The following DHX33 variants were observed in gnomAD, a reference collection of about 807,000 sequenced individuals.
DHX33 encodes ATP-dependent RNA helicase DHX33.
Under a neutral mutation model 72.5 loss-of-function variants are expected in DHX33, and 42 were observed. That is an observed-to-expected ratio of 0.58 (90% CI 0.45 to 0.75). The LOEUF is 0.75. DHX33 is among the 30% of genes least tolerant of loss of function. The pLI is 0.00. For synonymous variants in DHX33, 358 were observed against 366.1 expected (o/e 0.98, Z 0.25); for missense variants, 842 against 917.5 (o/e 0.92, Z 1.06).
At chr17:5,447,836 G>C (rs1916719503) in intron 11 of DHX33, among the ~76,000 whole-genome samples, 1 of 152,102 alleles carries the variant, frequency 6.6e-6, no homozygotes, top group Admixed American at 6.6e-5. Context: ...AAATGAATGA[G>C]CTAGACACAT....
intron 6 of DHX33, 45 bp downstream of exon 6, chr17:5,455,115 G>A: frequency 6.6e-7 from 1 of 1,504,572 alleles, no homozygotes; most frequent in Non-Finnish European, 9.2e-7. Flanking sequence ...TTCAGTGGCT[G>A]CTCACTAGAC....
intron 4 of DHX33, among the ~76,000 whole-genome samples, chr17:5,458,355 T>C (rs1567601680): frequency 6.6e-6 from 1 of 152,140 alleles, no homozygotes; most frequent in East Asian, 1.9e-4. Context: ...CCAGAAAGCT[T>C]GCACAACTGT....
intron 8 of DHX33, among the ~76,000 whole-genome samples, chr17:5,451,867 G>A (rs1385718034): frequency 6.6e-6 from 1 of 152,152 alleles, no homozygotes; most frequent in East Asian, 1.9e-4. Flanking sequence ...GAATGGAATA[G>A]CACTTAGTGT....
Position 5,468,663 on chromosome 17 carries a change from G to C in DHX33, c.197C>G (p.Ala66Gly), listed in dbSNP as rs757729286. The change falls in exon 1 of 12, where the codon GCT (alanine) becomes GGT (glycine). Residue 66 changes from alanine (A) to glycine (G), a missense_variant. Transcript: ENST00000225296. ...CAGACTCCGGCGCTGCAGCTCCACA[G>C]CTTCAGGGTAGGGACTGGCCGAGGG... ...AQPSASPYPE[A>G]VELQRRSLPI... 3 of 1,612,678 alleles carry C rather than the reference G, an allele frequency of 1.9e-6. No homozygotes were observed. The East Asian group carries it at 6.7e-5, about 36-fold the overall frequency.
At position 5,450,259 on chromosome 17, in the gene DHX33, C is replaced by A. The variant is rs1168089098; in HGVS notation, c.1672G>T (p.Asp558Tyr). ...VRKKFISSEG[D>Y]HMTLLNIYRT... is the part of the protein sequence containing the mutation. The stretch of plus-strand genomic sequence containing the variant: ...TAGATATTGAGCAGGGTCATGTGAT[C>A]CCCCTCGCTGGATATGAACTTCTTG... Residue 558 changes from aspartate (D) to tyrosine (Y), a missense_variant, in exon 10 of 12, where the codon GAT (aspartate) becomes TAT (tyrosine). Transcript: ENST00000225296. The A allele has an allele frequency of 1.2e-6, 2 of 1,614,174 alleles. No homozygotes were observed. The highest frequency in any genetic ancestry group is 4.5e-5 in the East Asian group (2 of 44,878).
Position 5,444,257 on chromosome 17 carries a change from T to C in DHX33, c.2072A>G (p.Tyr691Cys), listed in dbSNP as rs1273895859. ...CCTAAAGTACTCAGGGGCAGCCTCGTACAGCCACTGTGCATCTATGACGCA... is the reference window on the plus strand; with the variant it reads ...CCTAAAGTACTCAGGGGCAGCCTCGCACAGCCACTGTGCATCTATGACGCA... ...DLCVIDAQWL[Y>C]EAAPEYFRRK... The change falls in exon 12 of 12, where the codon TAC (tyrosine) becomes TGC (cysteine). Residue 691 changes from tyrosine to cysteine, a missense_variant. By Grantham distance (194) the Tyr-to-Cys change is radical. Transcript: ENST00000225296. This position sits in a 1 kb window ranked among gnomAD's most constrained non-coding sequence, Gnocchi z 4.9. 2 of 1,614,128 alleles carry C rather than the reference T, an allele frequency of 1.2e-6. No individual in the cohort carries two copies. The highest frequency in any genetic ancestry group is 4.5e-5 in the East Asian group (2 of 44,900).
Position 5,442,211 on chromosome 17 carries a change from G to A in DHX33, c.*1994C>T, listed in dbSNP as rs1916461010. 1 of 150,858 alleles carries A rather than the reference G, an allele frequency of 6.6e-6. No individual in the cohort carries two copies. Among genetic ancestry groups the A allele is most frequent in the African/African-American group, 2.4e-5 (1 of 40,984 alleles). The allele number at this position is 150,858 out of a possible 1,614,324, so 9.3% of individuals were successfully genotyped here. On this transcript the variant is annotated 3_prime_UTR_variant, in exon 12 of 12. Transcript: ENST00000225296. ...CCCGCCTTGGCCTCCCAAAGTGCTGGGATTACAGGTGTGAGCCACTGCGCC... is the reference window on the plus strand; with the variant it reads ...CCCGCCTTGGCCTCCCAAAGTGCTGAGATTACAGGTGTGAGCCACTGCGCC...
intron 8 of DHX33, among the ~76,000 whole-genome samples, chr17:5,451,320 G>A (rs140086794): frequency 0.068 from 10,356 of 152,164 alleles, 385 homozygotes; most frequent in Middle Eastern, 0.095. Context: ...AGCCAGGCTG[G>A]TCTCAAACTC....
chr17:5,466,885 C>T (rs1904893622), intron 1 of DHX33, among the ~76,000 whole-genome samples: 1 of 152,158 alleles, frequency 6.6e-6, no homozygotes, highest in Admixed American at 6.5e-5. Flanking sequence ...GTATTTAAAA[C>T]TATTGAAGAG....
Position 5,444,565 on chromosome 17 carries a change from T to C in DHX33, c.1816-52A>G. Reference sequence around the variant, plus strand: ...AGCCGACCCCACACGTAAACACTGGTCAGCACTACACAGCGTGTTGGGGCA... The same window carrying C: ...AGCCGACCCCACACGTAAACACTGGCCAGCACTACACAGCGTGTTGGGGCA... On this transcript the variant is annotated intron_variant, in intron 11 of 11. Transcript: ENST00000225296. This position sits in a 1 kb window ranked among gnomAD's most constrained non-coding sequence, Gnocchi z 4.9. 1 of 1,570,300 alleles carries C rather than the reference T, an allele frequency of 6.4e-7. No homozygotes were observed. The highest frequency in any genetic ancestry group is 8.6e-7 in the Non-Finnish European group (1 of 1,156,394).
rs1258350771 is a variant in DHX33 at position 5,451,055 on chromosome 17, C to T, written c.1397-121G>A. On this transcript the variant is annotated intron_variant, in intron 8 of 11. Transcript: ENST00000225296. ...AAACAACAGCAAAAATCATAACCGC[C>T]ACTGCCCCCTTGACACACTTGTCAA... is the stretch of plus-strand genomic sequence containing the variant. 7.1e-6 allele frequency: 8 copies of T among 1,131,976 alleles called. No individual in the cohort carries two copies. The East Asian group carries it at 1.5e-4, about 21-fold the overall frequency. 70.1% of individuals were successfully genotyped at this position (1,131,976 alleles called of 1,614,324 possible).
In DHX33 at chr17:5,453,574, A is replaced by C; in HGVS notation, c.1396+6T>G. 1 of 1,613,940 alleles carries C rather than the reference A, an allele frequency of 6.2e-7. No individual in the cohort carries two copies. Among genetic ancestry groups the C allele is most frequent in the Non-Finnish European group, 8.5e-7 (1 of 1,179,840 alleles). ...CACCTTCTGCAAAACTGTGGATTTC[A>C]CTTACCTGGAGATGGCTTCGACATG... On this transcript the variant is annotated splice_donor_region_variant and intron_variant, in intron 8 of 11. Transcript: ENST00000225296.
At chr17:5,466,659 C>T (rs1181830652) in intron 1 of DHX33, among the ~76,000 whole-genome samples, 2 of 152,178 alleles carry the variant, frequency 1.3e-5, no homozygotes, top group Admixed American at 6.5e-5. Context: ...CTCCTGAATG[C>T]TTTATAAAAT....
At position 5,453,992 on chromosome 17, in the gene DHX33, G is replaced by A. The variant is rs370884551; in HGVS notation, c.1148-12C>T. 120 of 1,612,384 alleles carry A rather than the reference G, an allele frequency of 7.4e-5. No homozygotes were observed. Among genetic ancestry groups the A allele is most frequent in the Non-Finnish European group, 9.6e-5 (113 of 1,179,650 alleles). Reference sequence around the variant, plus strand: ...CTCAAGACCACTGTCTGGATGGAGAGTGAGCCCCATTAGTGCTTCATCACA... The same window carrying A: ...CTCAAGACCACTGTCTGGATGGAGAATGAGCCCCATTAGTGCTTCATCACA... On this transcript the variant is annotated splice_polypyrimidine_tract_variant and intron_variant, in intron 6 of 11. Transcript: ENST00000225296.
intron 3 of DHX33, chr17:5,461,407 C>T (rs1363880399): frequency 5.7e-6 from 1 of 175,886 alleles, no homozygotes; most frequent in African/African-American, 2.4e-5. Context: ...ATCACGAGGT[C>T]AGGAGATCGA....
At position 5,448,883 on chromosome 17, in the gene DHX33, CTT is replaced by C. The variant is rs1393158190; in HGVS notation, c.1739_1740del (p.Lys580ArgfsTer90). 2.0e-5 allele frequency: 33 copies of C among 1,613,022 alleles called. No individual in the cohort carries two copies. Among genetic ancestry groups the C allele is most frequent in the Non-Finnish European group, 2.7e-5 (32 of 1,179,534 alleles). On this transcript the variant is annotated frameshift_variant, in exon 11 of 12. Transcript: ENST00000225296. LOFTEE classifies it high-confidence loss of function. ...ATATTCTTGCTGTTGACAAAATTCTCTTTGCACCAATCCTGAATAGGAGAAAG... is the reference window on the plus strand; with the variant it reads ...ATATTCTTGCTGTTGACAAAATTCTCTGCACCAATCCTGAATAGGAGAAAG... ...KNLGGNKDWC[K>X]ENFVNSKNMT...
intron 9 of DHX33, 108 bp downstream of exon 9, chr17:5,450,699 T>C: frequency 3.4e-6 from 5 of 1,488,458 alleles, no homozygotes; most frequent in Non-Finnish European, 4.6e-6. Context: ...TTGGTAATTA[T>C]GTAAGAGAAA....
chr17:5,453,659 C>T lies in DHX33; in HGVS notation c.1317G>A (p.Leu439=), dbSNP rs753608741. 2 of 1,614,154 alleles carry T rather than the reference C, an allele frequency of 1.2e-6. No individual in the cohort carries two copies. The highest frequency in any genetic ancestry group is 2.2e-5 in the East Asian group (1 of 44,880). The change falls in exon 8 of 12, where the codon CTG becomes CTA. Residue 439 remains leucine (L), a synonymous_variant. Transcript: ENST00000225296. Reference sequence around the variant, plus strand: ...CTAGAAGCTGAAGCATCACACTGGCCAGGTTACACCTGTGAAGAGCATGAG... The same window carrying T: ...CTAGAAGCTGAAGCATCACACTGGCTAGGTTACACCTGTGAAGAGCATGAG... ...MTVPEIQRCN[L]ASVMLQLLAM...
chr17:5,444,578 G>A lies in DHX33; in HGVS notation c.1816-65C>T. 6.6e-7 allele frequency: 1 copy of A among 1,513,870 alleles called. No homozygotes were observed. The highest frequency in any genetic ancestry group is 8.9e-7 in the Non-Finnish European group (1 of 1,119,690). 93.8% of individuals were successfully genotyped at this position (1,513,870 alleles called of 1,614,324 possible). On this transcript the variant is annotated intron_variant, in intron 11 of 11. Transcript: ENST00000225296. The surrounding 1 kb of genome is among the most constrained non-coding windows in gnomAD (Gnocchi z 4.9). ...CGTAAACACTGGTCAGCACTACACA[G>A]CGTGTTGGGGCAACTGGACCCACTG...
Sources: allele counts gnomAD v4.1 joint callset (sites outside exome capture counted in the v4.1 genomes callset), GRCh38; gene constraint gnomAD v4.1.1; non-coding constraint Gnocchi (gnomAD v3.1); transcripts MANE v1.5; gene names NCBI Gene and HGNC (gene_info 2026-07-23, HGNC 2026-07-21).